Variants in TWIST1 observed in about 807,000 individuals in gnomAD.
TWIST1 encodes the protein twist family bHLH transcription factor 1, also known as twist-related protein 1.
TWIST1 carries 8 observed loss-of-function variants against 12.9 expected under a neutral mutation model. The ratio of observed to expected loss-of-function variants is 0.62; its 90% confidence interval spans 0.37 to 1.12. The LOEUF is 1.12. TWIST1 is among the 50% of genes most tolerant of loss of function. The pLI, the probability that TWIST1 is intolerant of heterozygous loss-of-function variation, is 0.02. For missense variants in TWIST1, 268 were observed against 299.7 expected (o/e 0.89, Z 0.78); for synonymous variants, 169 against 138.7 (o/e 1.22, Z -1.54).
rs144664279 is a variant in TWIST1 at position 19,116,953 on chromosome 7, C to G, written c.369G>C (p.Ser123=). 8.2e-4 allele frequency: 1,327 copies of G among 1,613,628 alleles called. No homozygotes were observed. Among genetic ancestry groups the G allele is most frequent in the Non-Finnish European group, 1.0e-3 (1,178 of 1,179,906 alleles). Residue 123 remains serine (S), a synonymous_variant, in exon 1 of 2, where the codon TCG becomes TCC. Coordinates refer to ENST00000242261, the MANE Select transcript of TWIST1 (RefSeq NM_000474.4). Reference sequence around the variant, plus strand: ...GCAGCGCGGCGAACGCCTCGTTCAGCGACTGGGTGCGCTGGCGCTCCCGCA... The same window carrying G: ...GCAGCGCGGCGAACGCCTCGTTCAGGGACTGGGTGCGCTGGCGCTCCCGCA... ...ANVRERQRTQ[S]LNEAFAALRK...
At chr7:19,114,427 T>C (rs372093251), downstream of TWIST1, among the ~76,000 whole-genome samples, 3 of 152,204 alleles carry the variant, frequency 2.0e-5, no homozygotes, top group East Asian at 1.9e-4. Context: ...ACCAAAATGA[T>C]TTTCCAGTTT....
intron 1 of TWIST1, among the ~76,000 whole-genome samples, 190 bp downstream of exon 1, chr7:19,116,481 G>A (rs910416667): frequency 4.6e-5 from 7 of 152,216 alleles, no homozygotes; most frequent in Admixed American, 6.5e-5. Context: ...CCTGGAGACT[G>A]CTCTCCCTAG....
At chr7:19,115,235 A>G (rs1229294777), downstream of TWIST1, among the ~76,000 whole-genome samples, 1 of 152,200 alleles carries the variant, frequency 6.6e-6, no homozygotes, top group Non-Finnish European at 1.5e-5. Flanking sequence ...CTGTTTGGAG[A>G]CAGTAAGAGA....
downstream of TWIST1, among the ~76,000 whole-genome samples, chr7:19,115,218 G>C (rs895053187): frequency 6.6e-6 from 1 of 152,198 alleles, no homozygotes; most frequent in South Asian, 2.1e-4. Flanking sequence ...AATTTGTTAA[G>C]TTTTTGCTGT....
At chr7:19,115,047 ATG>A (rs1370972030), downstream of TWIST1, among the ~76,000 whole-genome samples, 3 of 152,168 alleles carry the variant, frequency 2.0e-5, no homozygotes, top group African/African-American at 4.8e-5. Flanking sequence ...AACACTATAT[ATG>A]TTTTCACTGA....
At chr7:19,116,648 G>A (rs1170805426) in intron 1 of TWIST1, 23 bp downstream of exon 1, 1 of 1,522,972 alleles carries the variant, frequency 6.6e-7, no homozygotes, top group Non-Finnish European at 8.8e-7. Context: ...AGAGGCGAAG[G>A]GGTGCAGCGG....
chr7:19,116,280 A>C (rs1788563375), intron 1 of TWIST1, 149 bp from the exon 2 acceptor site: 2 of 174,194 alleles, frequency 1.1e-5, no homozygotes, highest in South Asian at 3.0e-4. Context: ...GGCAAGAGGA[A>C]GTGGGTGGGT....
chr7:19,117,057 CGCCCGCGCCGCCGCCGCCGCCACA>C lies in TWIST1; in HGVS notation c.241_264del (p.Cys81_Gly88del), dbSNP rs753247631. 4 of 1,407,058 alleles carry C rather than the reference CGCCCGCGCCGCCGCCGCCGCCACA, an allele frequency of 2.8e-6. No homozygotes were observed. The highest frequency in any genetic ancestry group is 3.0e-5 in the East Asian group (1 of 33,212). The allele number at this position is 1,407,058 out of a possible 1,614,324, so 87.2% of individuals were successfully genotyped here. A position where few individuals can be genotyped will look rare whatever the true frequency, so the allele number is the denominator to read the frequency against. ...CCGCCGCTGCTGCTGCCGCCGCCGC[CGCCCGCGCCGCCGCCGCCGCCACA>C]GCCCGCAGACTTCTTGCCGCGCTTG... On this transcript the variant is annotated inframe_deletion, in exon 1 of 2. Transcript: ENST00000242261.
rs1306927667 is a variant in TWIST1, at chr7:19,115,880, A to AC, written c.*293dup. On this transcript the variant is annotated 3_prime_UTR_variant, in exon 2 of 2. Coordinates refer to ENST00000242261, the MANE Select transcript of TWIST1 (RefSeq NM_000474.4). The stretch of plus-strand genomic sequence containing the variant: ...TTCGTCAAAAAAAAAAAAAAAAAAA[A>AC]CACAAACAACTGTTCAGACTTCTAT... The AC allele has an allele frequency of 7.3e-6, 1 of 136,472 alleles. No individual in the cohort carries two copies. Among genetic ancestry groups the AC allele is most frequent in the Non-Finnish European group, 1.6e-5 (1 of 63,656 alleles). The allele number at this position is 136,472 out of a possible 1,614,324, so 8.5% of individuals were successfully genotyped here. A position where few individuals can be genotyped will look rare whatever the true frequency, so the allele number is the denominator to read the frequency against.
chr7:19,116,468 C>G (rs946644286), intron 1 of TWIST1, among the ~76,000 whole-genome samples: 1 of 152,190 alleles, frequency 6.6e-6, no homozygotes, highest in African/African-American at 2.4e-5. Context: ...CAGGGCGCAT[C>G]CCCCTGGAGA....
chr7:19,113,514 C>T (rs1278119441), downstream of TWIST1: 2 of 152,120 alleles, frequency 1.3e-5, no homozygotes, highest in African/African-American at 4.8e-5. Context: ...CATTTCTATT[C>T]TAAAAAAGAA....
chr7:19,114,596 C>T (rs1788530718), downstream of TWIST1, among the ~76,000 whole-genome samples: 1 of 152,114 alleles, frequency 6.6e-6, no homozygotes, highest in Non-Finnish European at 1.5e-5. Context: ...CCCCGTTTGC[C>T]CATTATTGTT....
At position 19,116,146 on chromosome 7, in the gene TWIST1, AGGG is replaced by A. The variant is rs55734353; in HGVS notation, c.*43-18_*43-16del. 921 of 120,334 alleles carry A rather than the reference AGGG, an allele frequency of 7.7e-3. 12 individuals carry two copies. The highest frequency in any genetic ancestry group is 0.026 in the African/African-American group (863 of 33,116). The allele number at this position is 120,334 out of a possible 1,614,324, so 7.5% of individuals were successfully genotyped here. On this transcript the variant is annotated splice_polypyrimidine_tract_variant and intron_variant, in intron 1 of 1. Coordinates refer to ENST00000242261, the MANE Select transcript of TWIST1 (RefSeq NM_000474.4). Reference sequence around the variant, plus strand: ...AACAATGACATCTGCAAAAACCCAGAGGGGGGGGGGGGAGTCGGTTATTGTTTA... The same window carrying A: ...AACAATGACATCTGCAAAAACCCAGAGGGGGGGGGAGTCGGTTATTGTTTA...
At chr7:19,113,787 A>C (rs890525580), downstream of TWIST1, 1 of 152,192 alleles carries the variant, frequency 6.6e-6, no homozygotes, top group Non-Finnish European at 1.5e-5. Flanking sequence ...AAACACATTA[A>C]AAAAAGAAAG....
rs1788577806 is a variant in TWIST1, at chr7:19,116,795, C to T, written c.527G>A (p.Ser176Asn). Residue 176 changes from serine to asparagine, a missense_variant, in exon 1 of 2, where the codon AGC becomes AAC. Coordinates refer to ENST00000242261, the MANE Select transcript of TWIST1 (RefSeq NM_000474.4). ...DELDSKMASC[S>N]YVAHERLSYA... ...GCTGAGCCGCTCGTGAGCCACATAG[C>T]TGCAGCTTGCCATCTTGGAGTCCAG... 6.2e-7 allele frequency: 1 copy of T among 1,613,988 alleles called. No homozygotes were observed. Among genetic ancestry groups the T allele is most frequent in the Admixed American group, 1.7e-5 (1 of 59,998 alleles).
chr7:19,113,849 T>C (rs1788516398), downstream of TWIST1: 1 of 152,216 alleles, frequency 6.6e-6, no homozygotes, highest in East Asian at 1.9e-4. Context: ...CATCTAGTTC[T>C]TATATCCAGA....
At position 19,117,518 on chromosome 7, in the gene TWIST1, G is replaced by A. The variant is rs1788604649; in HGVS notation, c.-197C>T. On this transcript the variant is annotated 5_prime_UTR_variant, in exon 1 of 2. Transcript: ENST00000242261. ...GCGGGGAGGGAGGCGGGAGGGGGAG[G>A]GGACGGTGTGGATGGCCCCGAGGTC... is the stretch of plus-strand genomic sequence containing the variant. 3 of 1,185,038 alleles carry A rather than the reference G, an allele frequency of 2.5e-6. No homozygotes were observed. Among genetic ancestry groups the A allele is most frequent in the Admixed American group, 4.8e-5 (1 of 20,674 alleles). 73.4% of individuals were successfully genotyped at this position (1,185,038 alleles called of 1,614,324 possible).
Position 19,117,062 on chromosome 7 carries a change from G to A in TWIST1, c.260C>T (p.Ala87Val). ...GCTGCTGCTGCCGCCGCCGCCGCCC[G>A]CGCCGCCGCCGCCGCCACAGCCCGC... The part of the protein sequence containing the change: ...KSAGCGGGGG[A>V]GGGGGSSSGG... Residue 87 changes from alanine to valine, a missense_variant, in exon 1 of 2, where the codon GCG becomes GTG. Ala to Val is a moderately conservative substitution (Grantham distance 64). Coordinates refer to ENST00000242261, the MANE Select transcript of TWIST1 (RefSeq NM_000474.4). 2 of 1,401,494 alleles carry A rather than the reference G, an allele frequency of 1.4e-6. No homozygotes were observed. Among genetic ancestry groups the A allele is most frequent in the South Asian group, 1.6e-5 (1 of 62,410 alleles). 86.8% of individuals were successfully genotyped at this position (1,401,494 alleles called of 1,614,324 possible). A position where few individuals can be genotyped will look rare whatever the true frequency, so the allele number is the denominator to read the frequency against.
intron 1 of TWIST1, 106 bp downstream of exon 1, chr7:19,116,565 G>A: frequency 1.1e-6 from 1 of 926,332 alleles, no homozygotes; most frequent in Non-Finnish European, 1.6e-6. Context: ...AAGGCTGAGC[G>A]GAGAGTGGGA....
Sources: gnomAD v4.1 joint callset for allele counts (sites outside exome capture counted in the v4.1 genomes callset) on GRCh38, gnomAD v4.1.1 for gene constraint, MANE v1.5 for transcripts, NCBI Gene and HGNC (gene_info 2026-07-23, HGNC 2026-07-21) for gene names.